DPYD: variants seen among roughly 807,000 people sequenced by gnomAD.
The protein encoded by DPYD is dihydropyrimidine dehydrogenase.
DPYD carries 109 observed loss-of-function variants against 116.2 expected under a neutral mutation model. That is an observed-to-expected ratio of 0.94 (90% CI 0.80 to 1.10). The LOEUF is 1.10. Ranked by LOEUF, DPYD falls within the 50% of genes least tolerant of loss-of-function variation. The pLI is 0.00. For missense variants in DPYD, 1,302 were observed against 1,254.5 expected, an observed-to-expected ratio of 1.04 and a Z score of -0.57; for synonymous variants, 440 against 432.0, an observed-to-expected ratio of 1.02 and a Z score of -0.23.
intron 2 of DPYD, among the ~76,000 whole-genome samples, chr1:97,881,032 C>A (rs1672191312): frequency 6.6e-6 from 1 of 151,914 alleles, no homozygotes; most frequent in Admixed American, 6.6e-5. Flanking sequence ...ATTCCTAATT[C>A]TTTCCTTCAG....
intron 2 of DPYD, chr1:97,855,612 C>T (rs539408594): frequency 2.0e-5 from 3 of 152,210 alleles, no homozygotes; most frequent in Admixed American, 6.5e-5. Flanking sequence ...ATGTTTAGAA[C>T]AATTTAGGTT....
intron 3 of DPYD, among the ~76,000 whole-genome samples, chr1:97,817,707 C>G (rs1668701961): frequency 6.6e-6 from 1 of 151,866 alleles, no homozygotes. Context: ...ACTAATTTTC[C>G]ACTTGTAAAA....
At chr1:97,424,957 T>A (rs544592055) in intron 14 of DPYD, among the ~76,000 whole-genome samples, 3 of 152,032 alleles carry the variant, frequency 2.0e-5, no homozygotes, top group Non-Finnish European at 4.4e-5. Context: ...ATCTGAAAAT[T>A]TTTTTGTGTT....
intron 20 of DPYD, among the ~76,000 whole-genome samples, chr1:97,108,563 T>C (rs1651349435): frequency 6.6e-6 from 1 of 152,132 alleles, no homozygotes; most frequent in South Asian, 2.1e-4. Flanking sequence ...CTTCCAAGGT[T>C]GGATGGGTTC....
chr1:97,239,935 T>A (rs1018881988), intron 18 of DPYD, among the ~76,000 whole-genome samples: 4 of 152,114 alleles, frequency 2.6e-5, no homozygotes, highest in African/African-American at 9.6e-5. Flanking sequence ...TTTGCTGTTA[T>A]AATTTGTACT....
At position 97,888,365 on chromosome 1, in the gene DPYD, T is replaced by G. The variant is rs547090907; in HGVS notation, c.40-4991A>C. Among the ~76,000 whole-genome samples the G allele has an allele frequency of 5.3e-5, 8 of 151,952 alleles. No homozygotes were observed. The South Asian group carries it at 1.7e-3, about 31-fold the overall frequency. On this transcript the variant is annotated intron_variant, in intron 1 of 22. Transcript: ENST00000370192. ...AAAAATTAACAGAGCCTCAATGATA[T>G]GTGATACACCACTGAGCAAACCAAA...
chr1:97,311,143 C>T (rs1667491261), intron 16 of DPYD, among the ~76,000 whole-genome samples: 2 of 151,504 alleles, frequency 1.3e-5, no homozygotes, highest in African/African-American at 4.8e-5. Context: ...TGGAAATGTT[C>T]CATTTTCTTT....
At chr1:97,669,499 C>T (rs1277165763) in intron 8 of DPYD, among the ~76,000 whole-genome samples, 2 of 152,076 alleles carry the variant, frequency 1.3e-5, no homozygotes, top group African/African-American at 4.8e-5. Flanking sequence ...AAGGCAAGAT[C>T]TGAAGAAAAA....
At chr1:97,463,409 TG>T (rs1677130421) in intron 13 of DPYD, among the ~76,000 whole-genome samples, 1 of 152,204 alleles carries the variant, frequency 6.6e-6, no homozygotes. Context: ...CATGTGAAAC[TG>T]TAAGTACATT....
At chr1:97,543,736 T>C (rs1326149202) in intron 12 of DPYD, among the ~76,000 whole-genome samples, 1 of 152,188 alleles carries the variant, frequency 6.6e-6, no homozygotes, top group Admixed American at 6.6e-5. Context: ...CCTCCTTAAA[T>C]GTATTTAAGA....
chr1:97,852,179 A>G (rs1011055162), intron 2 of DPYD, among the ~76,000 whole-genome samples: 9 of 152,058 alleles, frequency 5.9e-5, no homozygotes, highest in African/African-American at 2.2e-4. Flanking sequence ...AAAAATCAGA[A>G]ATCCTTACAT....
chr1:97,229,584 A>C (rs887117522), intron 19 of DPYD, among the ~76,000 whole-genome samples: 4 of 67,920 alleles, frequency 5.9e-5, no homozygotes, highest in Non-Finnish European at 1.3e-4. Flanking sequence ...ATATATATAT[A>C]TATATACTGA....
At chr1:97,662,127 A>C (rs1425306890) in intron 8 of DPYD, among the ~76,000 whole-genome samples, 1 of 149,710 alleles carries the variant, frequency 6.7e-6, no homozygotes, top group Non-Finnish European at 1.5e-5. Flanking sequence ...CAATCTCCCT[A>C]GTAGCTGGGA....
intron 2 of DPYD, among the ~76,000 whole-genome samples, chr1:97,837,539 C>G (rs545403051): frequency 6.6e-6 from 1 of 152,168 alleles, no homozygotes; most frequent in South Asian, 2.1e-4. Flanking sequence ...GCTGTGTTTT[C>G]CCTTAATAAT....
intron 20 of DPYD, among the ~76,000 whole-genome samples, chr1:97,166,422 G>A (rs1656332521): frequency 6.6e-6 from 1 of 152,058 alleles, no homozygotes; most frequent in African/African-American, 2.4e-5. Flanking sequence ...TGAGAGTGAG[G>A]GGTGGGAGAA....
At chr1:97,482,914 T>C (rs1487831526) in intron 13 of DPYD, among the ~76,000 whole-genome samples, 1 of 152,224 alleles carries the variant, frequency 6.6e-6, no homozygotes. Flanking sequence ...TTATATTTTA[T>C]GTTTGTAGCT....
intron 13 of DPYD, among the ~76,000 whole-genome samples, chr1:97,473,613 G>A (rs993645358): frequency 1.3e-5 from 2 of 152,252 alleles, no homozygotes; most frequent in Admixed American, 1.3e-4. Flanking sequence ...TGGATGGCTA[G>A]TATCAAAAAG....
chr1:97,684,329 A>T (rs892082027), intron 7 of DPYD, among the ~76,000 whole-genome samples: 2 of 152,030 alleles, frequency 1.3e-5, no homozygotes, highest in Admixed American at 1.3e-4. Flanking sequence ...TCAATTTCCA[A>T]TTGCGTGGTT....
In DPYD at chr1:97,517,770, G is replaced by A. The variant is rs114628140; in HGVS notation, c.1525-1829C>T. ...GTAAAAGTATAGAAGCAACTTCTCT[G>A]TCTTAGAAACAATGTTGAGCCAACT... On this transcript the variant is annotated intron_variant, in intron 12 of 22. Transcript: ENST00000370192. 4.9e-3 allele frequency among the ~76,000 whole-genome samples: 742 copies of A among 152,256 alleles called. 3 individuals carry two copies. The highest frequency in any genetic ancestry group is 8.4e-3 in the Non-Finnish European group (570 of 68,012).
Sources: gnomAD v4.1 joint callset for allele counts (sites outside exome capture counted in the v4.1 genomes callset) on GRCh38, gnomAD v4.1.1 for gene constraint, MANE v1.5 for transcripts, NCBI Gene and HGNC (gene_info 2026-07-23, HGNC 2026-07-21) for gene names.